NPEPPS: variants seen among roughly 807,000 people sequenced by gnomAD.
NPEPPS encodes puromycin-sensitive aminopeptidase.
In NPEPPS, 14 loss-of-function variants were observed where a neutral mutation model predicts 115.5. The ratio of observed to expected loss-of-function variants is 0.12; its 90% CI spans 0.08 to 0.19. The LOEUF is 0.19. Among genes scored for constraint, NPEPPS ranks in the 10% least tolerant of loss-of-function variants. NPEPPS has a pLI of 1.00. For missense variants in NPEPPS, 523 were observed against 1,110.8 expected (o/e 0.47, Z 7.52); for synonymous variants, 285 against 390.6 (o/e 0.73, Z 3.19).
intron 3 of NPEPPS, among the ~76,000 whole-genome samples, chr17:47,573,280 G>A (rs1597851895): frequency 6.6e-6 from 1 of 152,242 alleles, no homozygotes; most frequent in Non-Finnish European, 1.5e-5. Context: ...GGGAAGGCAG[G>A]TAGCATACTA....
chr17:47,565,811 C>A lies in NPEPPS; in HGVS notation c.341-3606C>A, dbSNP rs1910773128. Among the ~76,000 whole-genome samples, 3 of 151,290 alleles carry A rather than the reference C, an allele frequency of 2.0e-5. No individual in the cohort carries two copies. The South Asian group carries it at 6.3e-4, about 32-fold the overall frequency. The stretch of plus-strand genomic sequence containing the variant: ...CTCCAGGTTGGGCAACAGAGTGAGA[C>A]CCTGTCTCAAAAAAAAAAAAAAGTG... On this transcript the variant is annotated intron_variant, in intron 2 of 22. Coordinates refer to ENST00000322157, the MANE Select transcript of NPEPPS (RefSeq NM_006310.4).
chr17:47,616,376 C>T (rs1202871497), intron 19 of NPEPPS, among the ~76,000 whole-genome samples: 1 of 151,724 alleles, frequency 6.6e-6, no homozygotes. Context: ...GGAGAAACTC[C>T]GGCTCTACTA....
intron 1 of NPEPPS, among the ~76,000 whole-genome samples, chr17:47,532,497 T>C (rs1310851239): frequency 6.6e-6 from 1 of 151,592 alleles, no homozygotes; most frequent in East Asian, 1.9e-4. Context: ...CTACTAAAAA[T>C]ACAAAAATTA....
At chr17:47,565,213 T>C (rs996665266) in intron 2 of NPEPPS, among the ~76,000 whole-genome samples, 3 of 152,094 alleles carry the variant, frequency 2.0e-5, no homozygotes, top group African/African-American at 7.2e-5. Flanking sequence ...AACAGATCTT[T>C]AAAGAAGTGA....
chr17:47,619,802 T>C lies in NPEPPS; in HGVS notation c.2607+18T>C, dbSNP rs1254209359. ...AGGTTAAGGTAAGGAAAATACTGTTTACTCTTCACTTTTCAGTCTAGTAAG... is the reference window on the plus strand; with the variant it reads ...AGGTTAAGGTAAGGAAAATACTGTTCACTCTTCACTTTTCAGTCTAGTAAG... On this transcript the variant is annotated intron_variant, in intron 22 of 22. Transcript: ENST00000322157. The C allele has an allele frequency of 6.3e-7, 1 of 1,588,478 alleles. No individual in the cohort carries two copies. Among genetic ancestry groups the C allele is most frequent in the Non-Finnish European group, 8.6e-7 (1 of 1,156,864 alleles).
chr17:47,559,474 A>G (rs1472779648), intron 2 of NPEPPS: 1 of 183,330 alleles, frequency 5.5e-6, no homozygotes, highest in African/African-American at 2.4e-5. Flanking sequence ...ACTTCGCGTT[A>G]CTTGCCAAAT....
intron 1 of NPEPPS, among the ~76,000 whole-genome samples, chr17:47,537,963 G>A (rs1265076603): frequency 6.8e-6 from 1 of 147,316 alleles, no homozygotes; most frequent in Non-Finnish European, 1.5e-5. Context: ...GCACAATCTC[G>A]GCTCACTGCA....
upstream of NPEPPS, among the ~76,000 whole-genome samples, chr17:47,527,909 T>A (rs1907506376): frequency 6.8e-6 from 1 of 148,130 alleles, no homozygotes. Context: ...TATCATGCCA[T>A]TGCAATCCAG....
chr17:47,612,419 C>T lies in NPEPPS; in HGVS notation c.2096-41C>T, dbSNP rs780550755. 6.9e-6 allele frequency: 11 copies of T among 1,599,480 alleles called. No homozygotes were observed. In the East Asian group the frequency reaches 2.5e-4, roughly 36 times the overall value. On this transcript the variant is annotated intron_variant, in intron 17 of 22. Coordinates refer to ENST00000322157, the MANE Select transcript of NPEPPS (RefSeq NM_006310.4). Reference sequence around the variant, plus strand: ...CAAATGGCAAACTTATAAAAATAGGCTTTTTAAGTAGTCTTATGTCTCTTT... The same window carrying T: ...CAAATGGCAAACTTATAAAAATAGGTTTTTTAAGTAGTCTTATGTCTCTTT...
At chr17:47,598,137 ATTG>A (rs1446676204) in intron 13 of NPEPPS, among the ~76,000 whole-genome samples, 2 of 152,138 alleles carry the variant, frequency 1.3e-5, no homozygotes, top group Non-Finnish European at 2.9e-5. Context: ...TACAAAAATT[ATTG>A]TTACTTCTCA....
intron 17 of NPEPPS, among the ~76,000 whole-genome samples, chr17:47,609,074 A>ATTT (rs1159868403): frequency 6.6e-6 from 1 of 152,114 alleles, no homozygotes; most frequent in African/African-American, 2.4e-5. Flanking sequence ...AAAGGAAGGA[A>ATTT]TTTTTTAAGT....
intron 3 of NPEPPS, among the ~76,000 whole-genome samples, chr17:47,575,373 C>CTTGA (rs1472495058): frequency 6.6e-6 from 1 of 151,930 alleles, no homozygotes; most frequent in Non-Finnish European, 1.5e-5. Flanking sequence ...ATGTATCATT[C>CTTGA]TTGATAAGGT....
intron 2 of NPEPPS, among the ~76,000 whole-genome samples, chr17:47,553,744 T>C (rs948299196): frequency 2.0e-5 from 3 of 152,110 alleles, no homozygotes; most frequent in Non-Finnish European, 4.4e-5. Flanking sequence ...ATGAATGTTG[T>C]GTGCGTCTCT....
In NPEPPS at chr17:47,601,665, A is replaced by G. The variant is rs769548905; in HGVS notation, c.1658A>G (p.Asn553Ser). The G allele has an allele frequency of 1.2e-6, 2 of 1,612,318 alleles. No individual in the cohort carries two copies. Among genetic ancestry groups the G allele is most frequent in the African/African-American group, 1.3e-5 (1 of 74,898 alleles). ...ACAATCTCTACTAGTGAAGACCCCA[A>G]CCAGGCCAAACTAAAAATTCTAATG... ...PITISTSEDP[N>S]QAKLKILMDK... is the part of the protein sequence containing the mutation. Residue 553 changes from asparagine to serine, a missense_variant, in exon 15 of 23, where the codon AAC (asparagine) becomes AGC (serine). Physicochemically the swap from Asn to Ser is conservative, Grantham distance 46. This residue lies in a region of NPEPPS where 372 missense variants were observed against 542.6 expected (regional missense o/e 0.69). Transcript: ENST00000322157.
intron 17 of NPEPPS, among the ~76,000 whole-genome samples, chr17:47,610,994 C>T (rs1002443147): frequency 1.3e-4 from 20 of 151,282 alleles, no homozygotes; most frequent in Middle Eastern, 3.4e-3. Context: ...GCTGGGATTA[C>T]AGGTCTGTGC....
intron 9 of NPEPPS, among the ~76,000 whole-genome samples, chr17:47,588,433 G>T (rs112311223): frequency 1.3e-5 from 2 of 151,956 alleles, no homozygotes; most frequent in Admixed American, 6.6e-5. Flanking sequence ...GCGTGGTGGT[G>T]TGCGCCTGTA....
In NPEPPS at chr17:47,555,062, G is replaced by A. The variant is rs149371288; in HGVS notation, c.340+9069G>A. ...TGGAAAGTGAAACTGCAGATAAGGG[G>A]GGACTTGTCAGGTCTGCATTTCTTC... On this transcript the variant is annotated intron_variant, in intron 2 of 22. Coordinates refer to ENST00000322157, the MANE Select transcript of NPEPPS (RefSeq NM_006310.4). Among the ~76,000 whole-genome samples the A allele has an allele frequency of 5.9e-3, 897 of 152,258 alleles. 5 individuals are homozygous for A. The highest frequency in any genetic ancestry group is 0.017 in the African/African-American group (722 of 41,570).
intron 12 of NPEPPS, among the ~76,000 whole-genome samples, chr17:47,592,897 C>T (rs1912601074): frequency 6.6e-6 from 1 of 152,070 alleles, no homozygotes; most frequent in African/African-American, 2.4e-5. Context: ...AATGCTATCC[C>T]TCCCCCAGCC....
At chr17:47,580,463 A>C (rs1911804473) in intron 4 of NPEPPS, 1 of 152,118 alleles carries the variant, frequency 6.6e-6, no homozygotes. Flanking sequence ...CTTTTCTGAA[A>C]AGTCTTTCAT....
Sources: allele counts gnomAD v4.1 joint callset (sites outside exome capture counted in the v4.1 genomes callset), GRCh38; gene constraint gnomAD v4.1.1; regional missense constraint gnomAD v4.1.1; transcripts MANE v1.5; gene names NCBI Gene and HGNC (gene_info 2026-07-23, HGNC 2026-07-21).